The following AOPEP variants were observed in gnomAD, a reference collection of about 807,000 sequenced individuals.
The protein encoded by AOPEP is aminopeptidase O.
In AOPEP, 77 loss-of-function variants were observed where a neutral mutation model predicts 98.1. The ratio of observed to expected loss-of-function variants is 0.78; its 90% CI spans 0.65 to 0.95. The LOEUF (loss-of-function observed/expected upper bound fraction) is 0.95. Among genes scored for constraint, AOPEP ranks in the 40% least tolerant of loss-of-function variants. The pLI is 0.00. For missense variants in AOPEP, 1,024 were observed against 1,024.7 expected, an observed-to-expected ratio of 1.00 and a Z score of 0.01; for synonymous variants, 346 against 365.3, an observed-to-expected ratio of 0.95 and a Z score of 0.60.
chr9:94,782,096 A>G, intron 3 of AOPEP, among the ~76,000 whole-genome samples: 1 of 151,750 alleles, frequency 6.6e-6, no homozygotes, highest in East Asian at 2.0e-4. Flanking sequence ...GGGCTGAGGC[A>G]GGAGAATTGC....
chr9:95,060,310 C>T (rs1564586832), intron 13 of AOPEP, among the ~76,000 whole-genome samples: 1 of 152,146 alleles, frequency 6.6e-6, no homozygotes, highest in Non-Finnish European at 1.5e-5. Flanking sequence ...CAGGTGTTTG[C>T]CTGTAATTGG....
chr9:94,952,129 T>G (rs996609270), intron 7 of AOPEP, among the ~76,000 whole-genome samples: 3 of 152,166 alleles, frequency 2.0e-5, no homozygotes, highest in African/African-American at 7.2e-5. Context: ...TAAAAAAAAT[T>G]TTGCATTGGT....
chr9:94,829,088 C>T (rs896818529), intron 5 of AOPEP, among the ~76,000 whole-genome samples: 3 of 151,804 alleles, frequency 2.0e-5, no homozygotes, highest in East Asian at 1.9e-4. Context: ...AGGCTAGTCT[C>T]GAACTCCTGA....
intron 5 of AOPEP, among the ~76,000 whole-genome samples, chr9:94,871,766 A>G (rs1222936211): frequency 2.0e-5 from 3 of 152,160 alleles, no homozygotes; most frequent in Non-Finnish European, 4.4e-5. Context: ...CAGCACTTTC[A>G]GAGGCTGAGG....
intron 5 of AOPEP, among the ~76,000 whole-genome samples, chr9:94,882,507 G>A (rs1418346597): frequency 1.3e-5 from 2 of 152,244 alleles, no homozygotes; most frequent in Non-Finnish European, 2.9e-5. Context: ...TGGGTGGGGT[G>A]GCTCACGCCT....
At chr9:94,942,042 T>C (rs1016057805) in intron 7 of AOPEP, among the ~76,000 whole-genome samples, 1 of 152,242 alleles carries the variant, frequency 6.6e-6, no homozygotes, top group African/African-American at 2.4e-5. Flanking sequence ...TATACATGCA[T>C]ACTTCCATAT....
At chr9:95,139,270 C>T in the AOPEP span, among the ~76,000 whole-genome samples, 1 of 152,116 alleles carries the variant, frequency 6.6e-6, no homozygotes, top group South Asian at 2.1e-4. Context: ...TCCGTGTAGG[C>T]GCTGAGGAGA....
the AOPEP span, chr9:95,114,302 C>G: frequency 2.7e-6 from 1 of 373,582 alleles, no homozygotes; most frequent in South Asian, 2.2e-5. Flanking sequence ...GGGTTCCCAG[C>G]AGGTGGGTGC....
intron 2 of AOPEP, among the ~76,000 whole-genome samples, chr9:94,762,805 A>G (rs569596322): frequency 6.6e-6 from 1 of 152,318 alleles, no homozygotes; most frequent in East Asian, 1.9e-4. Flanking sequence ...TGTACTGGTA[A>G]CTGTTTGGAT....
At chr9:94,736,103 G>A (rs1422899086) in intron 1 of AOPEP, among the ~76,000 whole-genome samples, 1 of 152,154 alleles carries the variant, frequency 6.6e-6, no homozygotes, top group Non-Finnish European at 1.5e-5. Context: ...CTGTGCGTAT[G>A]TTTTTTAAAA....
chr9:94,857,955 G>A (rs942483238), intron 5 of AOPEP, among the ~76,000 whole-genome samples: 55 of 151,758 alleles, frequency 3.6e-4, no homozygotes, highest in African/African-American at 1.3e-3. Context: ...ATCTCACTGC[G>A]TACACTGGCG....
chr9:94,819,320 C>T (rs1014432017), intron 5 of AOPEP, among the ~76,000 whole-genome samples: 2 of 152,176 alleles, frequency 1.3e-5, no homozygotes, highest in South Asian at 2.1e-4. Flanking sequence ...TCACCCCACC[C>T]GCATCTTCCA....
chr9:95,098,903 A>C, the AOPEP span, among the ~76,000 whole-genome samples: 1 of 152,236 alleles, frequency 6.6e-6, no homozygotes, highest in African/African-American at 2.4e-5. Context: ...TTAGGTATTT[A>C]GTAGCAAGGT....
chr9:94,816,296 C>G (rs1403649006), intron 5 of AOPEP, among the ~76,000 whole-genome samples: 1 of 152,200 alleles, frequency 6.6e-6, no homozygotes, highest in Non-Finnish European at 1.5e-5. Flanking sequence ...AAGCCTTGGC[C>G]TCCACGCAGA....
intron 13 of AOPEP, among the ~76,000 whole-genome samples, chr9:95,007,813 TC>T (rs1256869009): frequency 2.6e-5 from 4 of 152,170 alleles, no homozygotes; most frequent in Non-Finnish European, 4.4e-5. Context: ...CCAAGGGCCT[TC>T]CCCCTATTCT....
chr9:95,080,063 A>T (rs2069562222), intron 14 of AOPEP, among the ~76,000 whole-genome samples: 1 of 152,248 alleles, frequency 6.6e-6, no homozygotes, highest in African/African-American at 2.4e-5. Flanking sequence ...ACCCTGAGGA[A>T]GGAGCACCAG....
At chr9:94,773,822 A>G (rs745546608) in intron 3 of AOPEP, among the ~76,000 whole-genome samples, 4 of 152,094 alleles carry the variant, frequency 2.6e-5, no homozygotes, top group Non-Finnish European at 5.9e-5. Context: ...CTGGAGTGCA[A>G]TGGCTTGATA....
At chr9:95,115,182 T>C in the AOPEP span, among the ~76,000 whole-genome samples, 1 of 152,200 alleles carries the variant, frequency 6.6e-6, no homozygotes, top group Admixed American at 6.5e-5. Context: ...GCTCAAGTGA[T>C]CCTCCCGCCT....
At chr9:94,915,332 G>A (rs1294636026) in intron 5 of AOPEP, among the ~76,000 whole-genome samples, 2 of 152,004 alleles carry the variant, frequency 1.3e-5, no homozygotes, top group East Asian at 1.9e-4. Context: ...CTGCCACCAC[G>A]CAGCCATCAG....
Sources: gnomAD v4.1 joint callset for allele counts (sites outside exome capture counted in the v4.1 genomes callset) on GRCh38, gnomAD v4.1.1 for gene constraint, MANE v1.5 for transcripts, NCBI Gene and HGNC (gene_info 2026-07-23, HGNC 2026-07-21) for gene names.